The following PLCB1 variants were observed in gnomAD, a reference collection of about 807,000 sequenced individuals.
PLCB1 encodes phospholipase C beta 1.
PLCB1 carries 46 observed loss-of-function variants against 161.8 expected under a neutral mutation model. That is an observed-to-expected ratio of 0.28 (90% CI 0.22 to 0.36). The LOEUF (loss-of-function observed/expected upper bound fraction) is 0.36. Ranked by LOEUF, PLCB1 falls within the 10% of genes least tolerant of loss-of-function variation. The probability of loss-of-function intolerance (pLI) is 1.00; values close to 1 mark genes in which losing one functional copy is unlikely to be tolerated. For synonymous variants in PLCB1, 517 were observed against 503.7 expected (o/e 1.03, Z -0.35); for missense variants, 1,016 against 1,472.5 (o/e 0.69, Z 5.07).
rs147367309 is a variant in PLCB1 at position 8,157,344 on chromosome 20, T to C, written c.177+6973T>C. ...ACAATCATGGTTGCCTATGCCTTTT[T>C]CCTAAGATAGTCACTTTAGGATTGT... On this transcript the variant is annotated intron_variant, in intron 2 of 31. Transcript: ENST00000338037. 5.2e-4 allele frequency among the ~76,000 whole-genome samples: 79 copies of C among 152,330 alleles called. No homozygotes were observed. In the East Asian group the frequency reaches 0.013, roughly 25 times the overall value.
intron 1 of PLCB1, among the ~76,000 whole-genome samples, chr20:8,144,033 G>A (rs2051429651): frequency 6.6e-6 from 1 of 152,060 alleles, no homozygotes; most frequent in African/African-American, 2.4e-5. Context: ...AAGTCCCCTG[G>A]GGTGCAAAAT....
chr20:8,693,423 A>G (rs1990522908), intron 10 of PLCB1, among the ~76,000 whole-genome samples: 1 of 152,164 alleles, frequency 6.6e-6, no homozygotes, highest in Non-Finnish European at 1.5e-5. Context: ...GATCAAACAG[A>G]TGCATCTAGA....
rs746605041 is a variant in PLCB1, at chr20:8,290,977, G to C, written c.178-80405G>C. ...AAGTGCTTTGGGATTTTATTCATCA[G>C]TGCTCAGAATAGACCTCATGGTGAC... is the stretch of plus-strand genomic sequence containing the variant. On this transcript the variant is annotated intron_variant, in intron 2 of 31. Transcript: ENST00000338037. Among the ~76,000 whole-genome samples, 3 of 151,310 alleles carry C rather than the reference G, an allele frequency of 2.0e-5. No homozygotes were observed. In the South Asian group the frequency reaches 6.2e-4, roughly 31 times the overall value.
At chr20:8,418,517 C>T (rs1347071942) in intron 3 of PLCB1, among the ~76,000 whole-genome samples, 3 of 151,812 alleles carry the variant, frequency 2.0e-5, no homozygotes, top group Non-Finnish European at 4.4e-5. Context: ...AATGGCAGTC[C>T]CTTATCTACT....
At chr20:8,226,790 T>C (rs1302570489) in intron 2 of PLCB1, among the ~76,000 whole-genome samples, 1 of 151,596 alleles carries the variant, frequency 6.6e-6, no homozygotes, top group African/African-American at 2.4e-5. Context: ...TGAGTTCCAG[T>C]GATTCTCCTG....
At chr20:8,711,206 C>T (rs886877083) in intron 12 of PLCB1, among the ~76,000 whole-genome samples, 1 of 152,208 alleles carries the variant, frequency 6.6e-6, no homozygotes, top group African/African-American at 2.4e-5. Flanking sequence ...TTTTAACCAA[C>T]ACATCTCCTA....
intron 3 of PLCB1, among the ~76,000 whole-genome samples, chr20:8,619,434 A>G (rs1307041871): frequency 6.6e-6 from 1 of 151,982 alleles, no homozygotes; most frequent in African/African-American, 2.4e-5. Flanking sequence ...AAAAAAAAAA[A>G]GAAAAAAAGA....
intron 1 of PLCB1, among the ~76,000 whole-genome samples, chr20:8,134,199 TA>T (rs1228008410): frequency 2.6e-5 from 4 of 152,184 alleles, no homozygotes; most frequent in Non-Finnish European, 5.9e-5. Context: ...AGACGCAGAT[TA>T]AATGCTTTGT....
chr20:8,747,665 G>A (rs922444412), intron 23 of PLCB1, among the ~76,000 whole-genome samples: 1 of 152,036 alleles, frequency 6.6e-6, no homozygotes. Context: ...CCAGCTTCTC[G>A]GGAGCCTGAG....
At chr20:8,442,079 G>T (rs1980586427) in intron 3 of PLCB1, among the ~76,000 whole-genome samples, 3 of 152,080 alleles carry the variant, frequency 2.0e-5, no homozygotes, top group Admixed American at 2.0e-4. Context: ...TTGTTAATGT[G>T]TGCATGTGTT....
chr20:8,427,752 TA>T (rs1979849923), intron 3 of PLCB1, among the ~76,000 whole-genome samples: 1 of 152,118 alleles, frequency 6.6e-6, no homozygotes, highest in African/African-American at 2.4e-5. Context: ...GAAAATGAAT[TA>T]TTTGGTAAGT....
At chr20:8,703,471 A>G in intron 11 of PLCB1, among the ~76,000 whole-genome samples, 1 of 152,128 alleles carries the variant, frequency 6.6e-6, no homozygotes, top group East Asian at 1.9e-4. Context: ...GGCATCCTCT[A>G]CGCTCAACCC....
intron 3 of PLCB1, among the ~76,000 whole-genome samples, chr20:8,430,964 AAAG>A (rs1980013784): frequency 6.6e-6 from 1 of 152,180 alleles, no homozygotes; most frequent in African/African-American, 2.4e-5. Flanking sequence ...GTCTCAAAAA[AAAG>A]AAGAAAAAGG....
chr20:8,327,166 G>A (rs1450991985), intron 2 of PLCB1, among the ~76,000 whole-genome samples: 4 of 152,186 alleles, frequency 2.6e-5, no homozygotes, highest in Non-Finnish European at 4.4e-5. Context: ...GATTACAGGT[G>A]TGAGCCACTG....
intron 3 of PLCB1, among the ~76,000 whole-genome samples, chr20:8,620,236 A>ATT (rs199776294): frequency 6.6e-6 from 1 of 151,968 alleles, no homozygotes; most frequent in African/African-American, 2.4e-5. Flanking sequence ...CCAGCTATTA[A>ATT]TTTTTTTTCA....
chr20:8,476,346 A>C (rs893009091), intron 3 of PLCB1, among the ~76,000 whole-genome samples: 1 of 152,164 alleles, frequency 6.6e-6, no homozygotes, highest in Non-Finnish European at 1.5e-5. Flanking sequence ...GGCACAGCTG[A>C]CTTGATGAAG....
chr20:8,765,043 A>G (rs1159292650), intron 25 of PLCB1, 96 bp from the exon 26 acceptor site: 1 of 932,932 alleles, frequency 1.1e-6, no homozygotes, highest in African/African-American at 1.7e-5. Context: ...TAGCTGGGCA[A>G]GATCAACCAT....
intron 19 of PLCB1, among the ~76,000 whole-genome samples, chr20:8,735,816 C>T (rs1980551590): frequency 6.6e-6 from 1 of 152,200 alleles, no homozygotes; most frequent in South Asian, 2.1e-4. Context: ...GTCCCATGCA[C>T]TCAAGCCAAA....
intron 3 of PLCB1, among the ~76,000 whole-genome samples, chr20:8,375,656 G>C (rs182057471): frequency 1.3e-5 from 2 of 152,134 alleles, no homozygotes; most frequent in Non-Finnish European, 2.9e-5. Context: ...GTGCTTAGGG[G>C]TATGGAAAAG....
Sources: gnomAD v4.1 joint callset for allele counts (sites outside exome capture counted in the v4.1 genomes callset) on GRCh38, gnomAD v4.1.1 for gene constraint, MANE v1.5 for transcripts, NCBI Gene and HGNC (gene_info 2026-07-23, HGNC 2026-07-21) for gene names.